HIVEP1: variants seen among roughly 807,000 people sequenced by gnomAD.
HIVEP1 encodes HIVEP zinc finger 1.
In HIVEP1, 36 loss-of-function variants were observed where a neutral mutation model predicts 180.0. The observed-to-expected ratio is 0.20, with a 90% CI of 0.15 to 0.26. HIVEP1 has a LOEUF of 0.26. HIVEP1 is among the 10% of genes least tolerant of loss of function. The pLI is 1.00. For missense variants in HIVEP1, 3,143 were observed against 3,268.7 expected (o/e 0.96, Z 0.94); for synonymous variants, 1,239 against 1,239.0 (o/e 1.00, Z 0.00).
At chr6:12,099,657 T>C (rs1306881474) in intron 3 of HIVEP1, among the ~76,000 whole-genome samples, 1 of 152,150 alleles carries the variant, frequency 6.6e-6, no homozygotes, top group Admixed American at 6.5e-5. Flanking sequence ...TCTTCCCCTA[T>C]ACAGTTTTGC....
chr6:12,027,278 C>T (rs1768646460), intron 2 of HIVEP1, among the ~76,000 whole-genome samples: 1 of 152,120 alleles, frequency 6.6e-6, no homozygotes. Context: ...ATTAGGGGAA[C>T]CTAGGTACTG....
In HIVEP1 at chr6:12,125,959, A is replaced by G. The variant is rs546819219; in HGVS notation, c.6075+89A>G. 55 of 759,058 alleles carry G rather than the reference A, an allele frequency of 7.2e-5. 1 individual carries two copies. Among genetic ancestry groups the G allele is most frequent in the Non-Finnish European group, 1.1e-4 (51 of 468,560 alleles). The allele number at this position is 759,058 out of a possible 1,614,324, so 47.0% of individuals were successfully genotyped here. A position where few individuals can be genotyped will look rare whatever the true frequency, so the allele number is the denominator to read the frequency against. ...ACCTTTAAATATTTTAACTGGAAAT[A>G]TTTTAATTTTGAGTGACAAATTGTG... On this transcript the variant is annotated intron_variant, in intron 4 of 8. Transcript: ENST00000379388.
At chr6:12,078,148 C>A (rs1196824970) in intron 2 of HIVEP1, among the ~76,000 whole-genome samples, 1 of 152,064 alleles carries the variant, frequency 6.6e-6, no homozygotes, top group Non-Finnish European at 1.5e-5. Context: ...CTGTTGATCT[C>A]AATACTCCTA....
chr6:12,135,641 C>T, intron 6 of HIVEP1, 150 bp from the exon 7 acceptor site: 1 of 553,154 alleles, frequency 1.8e-6, no homozygotes, highest in Non-Finnish European at 3.3e-6. Context: ...CATATAGATA[C>T]CAAATTTTCT....
At chr6:12,162,020 A>G (rs1053014666) in intron 8 of HIVEP1, 91 bp downstream of exon 8, 9 of 1,242,556 alleles carry the variant, frequency 7.2e-6, no homozygotes, top group African/African-American at 4.5e-5. Flanking sequence ...TAATGCACTT[A>G]AGTGATTTTT....
At position 12,121,314 on chromosome 6, in the gene HIVEP1, G is replaced by A; in HGVS notation, c.1519G>A (p.Asp507Asn). ...EEGATDERQH[D>N]LGAMELQPVH... Reference sequence around the variant, plus strand: ...AGGCGCCACTGATGAGAGACAGCATGACCTGGGCGCCATGGAGCTGCAGCC... The same window carrying A: ...AGGCGCCACTGATGAGAGACAGCATAACCTGGGCGCCATGGAGCTGCAGCC... The change falls in exon 4 of 9, where the codon GAC (aspartate) becomes AAC (asparagine). Residue 507 changes from aspartate to asparagine, a missense_variant. Asp to Asn is a conservative substitution (Grantham distance 23). This residue lies in a region of HIVEP1 where 365 missense variants were observed against 344.4 expected (regional missense o/e 1.06). Transcript: ENST00000379388. The surrounding 1 kb of genome is among the most constrained non-coding windows in gnomAD (Gnocchi z 5.3). 1 of 1,614,132 alleles carries A rather than the reference G, an allele frequency of 6.2e-7. No individual in the cohort carries two copies. The highest frequency in any genetic ancestry group is 1.7e-4 in the Middle Eastern group (1 of 6,060).
At chr6:12,166,872 A>G (rs1261656079), downstream of HIVEP1, among the ~76,000 whole-genome samples, 1 of 152,236 alleles carries the variant, frequency 6.6e-6, no homozygotes, top group Non-Finnish European at 1.5e-5. Flanking sequence ...TAACAATTTC[A>G]ATACCTTGTG....
chr6:12,032,617 T>G (rs1462157590), intron 2 of HIVEP1, among the ~76,000 whole-genome samples: 2 of 152,174 alleles, frequency 1.3e-5, no homozygotes. Flanking sequence ...TCATCCTAAA[T>G]TGGATATAAT....
intron 7 of HIVEP1, among the ~76,000 whole-genome samples, chr6:12,139,141 C>T (rs140620069): frequency 6.6e-6 from 1 of 152,042 alleles, no homozygotes; most frequent in Non-Finnish European, 1.5e-5. Flanking sequence ...CTTAAAAGCC[C>T]CAGGGGTTTC....
At chr6:12,067,279 CTTAGTAGTTACTA>C (rs1189170957) in intron 2 of HIVEP1, among the ~76,000 whole-genome samples, 1 of 152,036 alleles carries the variant, frequency 6.6e-6, no homozygotes, top group Non-Finnish European at 1.5e-5. Flanking sequence ...AAGTGTATCA[CTTAGTAGTTACTA>C]TCATTTACAT....
At chr6:12,146,413 A>G (rs1246762590) in intron 7 of HIVEP1, among the ~76,000 whole-genome samples, 1 of 152,236 alleles carries the variant, frequency 6.6e-6, no homozygotes, top group Non-Finnish European at 1.5e-5. Context: ...ATTGCACTCC[A>G]GCCCGGGCAA....
At chr6:12,209,967 T>TA in the HIVEP1 span, among the ~76,000 whole-genome samples, 5 of 152,050 alleles carry the variant, frequency 3.3e-5, no homozygotes, top group African/African-American at 1.2e-4. Context: ...AAGGTGGTTA[T>TA]ATAGCCGGGT....
intron 7 of HIVEP1, among the ~76,000 whole-genome samples, chr6:12,149,970 G>T (rs1238583101): frequency 2.0e-5 from 3 of 152,202 alleles, no homozygotes; most frequent in African/African-American, 7.2e-5. Context: ...ATTCTCAATG[G>T]AATAAATTAG....
rs267600787 is a variant in HIVEP1, at chr6:12,161,844, C to T, written c.6893C>T (p.Pro2298Leu). ...TIPSVDTSRS[P>L]CHQMSVDYPE... Reference sequence around the variant, plus strand: ...CCGTCTGTAGACACTTCCAGGTCCCCGTGTCATCAGATGTCTGTGGACTAC... The same window carrying T: ...CCGTCTGTAGACACTTCCAGGTCCCTGTGTCATCAGATGTCTGTGGACTAC... Residue 2298 changes from proline to leucine, a missense_variant, in exon 8 of 9, where the codon CCG becomes CTG. Coordinates refer to ENST00000379388, the MANE Select transcript of HIVEP1 (RefSeq NM_002114.4). The T allele has an allele frequency of 1.4e-5, 22 of 1,613,986 alleles. No individual in the cohort carries two copies. Among genetic ancestry groups the T allele is most frequent in the Admixed American group, 1.3e-4 (8 of 60,028 alleles).
chr6:12,125,824 C>T lies in HIVEP1; in HGVS notation c.6029C>T (p.Ser2010Leu). ...CAAGCAATAACTACCCATTCCAAGT[C>T]AGACTTATTGGTCTATTCAAGCAAG... ...YCQAITTHSK[S>L]DLLVYSSKWK... The change falls in exon 4 of 9, where the codon TCA becomes TTA. Residue 2010 changes from serine to leucine, a missense_variant. This residue lies in a region of HIVEP1 where 1,357 missense variants were observed against 1,260.5 expected (regional missense o/e 1.08). Coordinates refer to ENST00000379388, the MANE Select transcript of HIVEP1 (RefSeq NM_002114.4). The T allele has an allele frequency of 1.2e-6, 2 of 1,613,070 alleles. No homozygotes were observed. The highest frequency in any genetic ancestry group is 1.7e-6 in the Non-Finnish European group (2 of 1,179,572).
the HIVEP1 span, among the ~76,000 whole-genome samples, chr6:12,176,271 T>G: frequency 6.7e-6 from 1 of 149,962 alleles, no homozygotes; most frequent in Non-Finnish European, 1.5e-5. Flanking sequence ...CTCGCTCTTG[T>G]CCCCCAGGCT....
In HIVEP1 at chr6:12,063,996, G is replaced by A. The variant is rs1437264581; in HGVS notation, c.41-25188G>A. Among the ~76,000 whole-genome samples, 1 of 152,080 alleles carries A rather than the reference G, an allele frequency of 6.6e-6. No individual in the cohort carries two copies. The highest frequency in any genetic ancestry group is 1.5e-5 in the Non-Finnish European group (1 of 68,022). On this transcript the variant is annotated intron_variant, in intron 2 of 8. Coordinates refer to ENST00000379388, the MANE Select transcript of HIVEP1 (RefSeq NM_002114.4). The surrounding 1 kb of genome is among the most constrained non-coding windows in gnomAD (Gnocchi z 4.2). ...GGAAAATGAGAGACCTCAGATTTTGGCAAGGAACATGCCTTGGTATAATAT... is the reference window on the plus strand; with the variant it reads ...GGAAAATGAGAGACCTCAGATTTTGACAAGGAACATGCCTTGGTATAATAT...
intron 7 of HIVEP1, among the ~76,000 whole-genome samples, chr6:12,147,154 G>A (rs1468880528): frequency 6.6e-6 from 1 of 152,176 alleles, no homozygotes; most frequent in African/African-American, 2.4e-5. Flanking sequence ...CTGGGGGACA[G>A]GTAATAGATG....
chr6:12,169,284 A>T (rs1248660749), downstream of HIVEP1, among the ~76,000 whole-genome samples: 8 of 152,204 alleles, frequency 5.3e-5, no homozygotes, highest in East Asian at 1.3e-3. Context: ...GAAAGTCATG[A>T]TGCATTTACT....
Sources: gnomAD v4.1 joint callset for allele counts (sites outside exome capture counted in the v4.1 genomes callset) on GRCh38, gnomAD v4.1.1 for gene constraint, gnomAD v4.1.1 regional missense constraint, Gnocchi (gnomAD v3.1) non-coding constraint, MANE v1.5 for transcripts, NCBI Gene and HGNC (gene_info 2026-07-23, HGNC 2026-07-21) for gene names.